Variants in SPTSSB observed in about 807,000 individuals in gnomAD.
SPTSSB encodes androgen down regulated in mouse prostate.
Under a neutral mutation model 7.7 loss-of-function variants are expected in SPTSSB, and 6 were observed. The ratio of observed to expected loss-of-function variants is 0.78; its 90% CI spans 0.43 to 1.54. SPTSSB has a LOEUF of 1.54. Among genes scored for constraint, SPTSSB ranks in the 40% most tolerant of loss-of-function variants. The pLI is 0.01. For synonymous variants in SPTSSB, 28 were observed against 29.7 expected, an observed-to-expected ratio of 0.94 and a Z score of 0.19; for missense variants, 91 against 93.0, an observed-to-expected ratio of 0.98 and a Z score of 0.09.
intron 2 of SPTSSB, among the ~76,000 whole-genome samples, chr3:161,354,064 G>A (rs1714662841): frequency 6.6e-6 from 1 of 151,892 alleles, no homozygotes; most frequent in South Asian, 2.1e-4. Context: ...ACAACCATAG[G>A]GCAATTAAGG....
chr3:161,364,008 C>G (rs948890136), intron 1 of SPTSSB, among the ~76,000 whole-genome samples: 8 of 152,106 alleles, frequency 5.3e-5, no homozygotes, highest in African/African-American at 1.9e-4. Context: ...TATTACTATC[C>G]TAGTGTTAAA....
chr3:161,346,227 T>C lies in SPTSSB; in HGVS notation c.97A>G (p.Met33Val). 6.2e-7 allele frequency: 1 copy of C among 1,613,690 alleles called. No homozygotes were observed. Among genetic ancestry groups the C allele is most frequent in the Non-Finnish European group, 8.5e-7 (1 of 1,179,610 alleles). ...ATGGTTAGTAAGATGGTGTTAAACATAGATCGCTCCCAGGGCTCTAAAACA... is the reference window on the plus strand; with the variant it reads ...ATGGTTAGTAAGATGGTGTTAAACACAGATCGCTCCCAGGGCTCTAAAACA... Reference protein sequence around the residue: ...CAVLEPWERSMFNTILLTIIA... With the variant: ...CAVLEPWERSVFNTILLTIIA... Residue 33 changes from methionine (M) to valine (V), a missense_variant, in exon 3 of 3, where the codon ATG becomes GTG. Met to Val is a conservative substitution (Grantham distance 21). Transcript: ENST00000620149.
chr3:161,354,219 C>T (rs1714670515), intron 2 of SPTSSB, among the ~76,000 whole-genome samples: 1 of 152,170 alleles, frequency 6.6e-6, no homozygotes, highest in Non-Finnish European at 1.5e-5. Context: ...TGGAAGTTTA[C>T]TGAAATAATA....
intron 1 of SPTSSB, among the ~76,000 whole-genome samples, chr3:161,368,669 G>T (rs1183903071): frequency 6.6e-6 from 1 of 151,882 alleles, no homozygotes; most frequent in Non-Finnish European, 1.5e-5. Context: ...CTCGTGATCC[G>T]CCCGCCTCGG....
intron 1 of SPTSSB, among the ~76,000 whole-genome samples, chr3:161,366,201 G>C (rs573344458): frequency 6.6e-6 from 1 of 152,226 alleles, no homozygotes; most frequent in Non-Finnish European, 1.5e-5. Flanking sequence ...TTCTCTGGAA[G>C]ACTACAAGAA....
At chr3:161,349,345 T>G (rs180801167) in intron 2 of SPTSSB, among the ~76,000 whole-genome samples, 7 of 152,274 alleles carry the variant, frequency 4.6e-5, no homozygotes, top group African/African-American at 1.7e-4. Flanking sequence ...AATATGAAAT[T>G]AATTATCCAC....
intron 1 of SPTSSB, among the ~76,000 whole-genome samples, chr3:161,370,379 T>C (rs934940502): frequency 6.6e-6 from 1 of 152,192 alleles, no homozygotes; most frequent in Non-Finnish European, 1.5e-5. Context: ...GACAGTACAT[T>C]TCATACTACA....
chr3:161,368,232 G>A (rs13084731), intron 1 of SPTSSB, among the ~76,000 whole-genome samples: 64,195 of 151,946 alleles, frequency 0.42, 14,186 homozygotes, highest in East Asian at 0.64. Flanking sequence ...TTAATACTCT[G>A]GAAAATTTTT....
chr3:161,369,348 CTT>C (rs1368264841), intron 1 of SPTSSB, among the ~76,000 whole-genome samples: 1 of 40,704 alleles, frequency 2.5e-5, no homozygotes, highest in Non-Finnish European at 5.3e-5. Context: ...TTCTTTCTTT[CTT>C]TCTCTTTCTT....
At chr3:161,355,347 T>A (rs1334681160) in intron 2 of SPTSSB, among the ~76,000 whole-genome samples, 2 of 152,226 alleles carry the variant, frequency 1.3e-5, no homozygotes, top group African/African-American at 4.8e-5. Context: ...ACTGCAACAT[T>A]AACAATGGCA....
intron 2 of SPTSSB, among the ~76,000 whole-genome samples, chr3:161,352,911 C>T (rs1362163903): frequency 6.6e-6 from 1 of 152,086 alleles, no homozygotes; most frequent in Non-Finnish European, 1.5e-5. Context: ...GTTTTAAATC[C>T]TATTGAAATA....
chr3:161,365,614 A>G (rs895932395), intron 1 of SPTSSB, among the ~76,000 whole-genome samples: 1 of 152,244 alleles, frequency 6.6e-6, no homozygotes, highest in African/African-American at 2.4e-5. Context: ...TAGCTGCTCA[A>G]TCAAAATTTG....
chr3:161,364,441 ATAGAAG>A lies in SPTSSB; in HGVS notation c.-125-4553_-125-4548del, dbSNP rs1374492206. ...GAAGAGCCCAAGCATATTCTCTCAGATAGAAGTAGAAGAAAGCAGCAAAGTTACTGG... is the reference window on the plus strand; with the variant it reads ...GAAGAGCCCAAGCATATTCTCTCAGATAGAAGAAAGCAGCAAAGTTACTGG... On this transcript the variant is annotated intron_variant, in intron 1 of 2. Transcript: ENST00000620149. 2.0e-5 allele frequency among the ~76,000 whole-genome samples: 3 copies of A among 152,140 alleles called. No individual in the cohort carries two copies. The East Asian group carries it at 5.8e-4, about 29-fold the overall frequency.
chr3:161,358,750 A>G (rs528656345), intron 2 of SPTSSB, among the ~76,000 whole-genome samples: 1 of 152,366 alleles, frequency 6.6e-6, no homozygotes, highest in South Asian at 2.1e-4. Flanking sequence ...GCAGACAAAC[A>G]GGCTTCAGCA....
chr3:161,350,224 G>T (rs544905062), intron 2 of SPTSSB, among the ~76,000 whole-genome samples: 46 of 152,202 alleles, frequency 3.0e-4, no homozygotes, highest in African/African-American at 1.1e-3. Context: ...AATGAAAGAG[G>T]CGTAGCAGGT....
At chr3:161,347,023 G>A (rs1350043552) in intron 2 of SPTSSB, among the ~76,000 whole-genome samples, 1 of 152,082 alleles carries the variant, frequency 6.6e-6, no homozygotes, top group Non-Finnish European at 1.5e-5. Context: ...TTGAGAGGAG[G>A]AGGCTTTAAG....
intron 1 of SPTSSB, among the ~76,000 whole-genome samples, chr3:161,366,271 C>A (rs1350612096): frequency 6.6e-6 from 1 of 152,178 alleles, no homozygotes; most frequent in Non-Finnish European, 1.5e-5. Flanking sequence ...CTGATGATTT[C>A]TTTGAGCAAT....
chr3:161,362,140 A>T (rs948163936), intron 1 of SPTSSB, among the ~76,000 whole-genome samples: 15 of 152,118 alleles, frequency 9.9e-5, no homozygotes, highest in Admixed American at 7.2e-4. Flanking sequence ...TTAGTAACTG[A>T]ACTATTGGGC....
At chr3:161,350,158 C>T (rs1387958074) in intron 2 of SPTSSB, among the ~76,000 whole-genome samples, 1 of 152,030 alleles carries the variant, frequency 6.6e-6, no homozygotes, top group African/African-American at 2.4e-5. Flanking sequence ...TCAGGGAGCT[C>T]TTTGTTGTTG....
Sources: allele counts gnomAD v4.1 joint callset (sites outside exome capture counted in the v4.1 genomes callset), GRCh38; gene constraint gnomAD v4.1.1; transcripts MANE v1.5; gene names NCBI Gene and HGNC (gene_info 2026-07-23, HGNC 2026-07-21).